SORCS2: variants seen among roughly 807,000 people sequenced by gnomAD.
SORCS2 encodes the protein VPS10 domain-containing receptor SorCS2.
SORCS2 carries 100 observed loss-of-function variants against 141.6 expected under a neutral mutation model. The observed-to-expected ratio is 0.71, with a 90% CI of 0.60 to 0.83. The LOEUF (loss-of-function observed/expected upper bound fraction) is 0.83. Ranked by LOEUF, SORCS2 falls within the 40% of genes least tolerant of loss-of-function variation. SORCS2 has a pLI of 0.00. For synonymous variants in SORCS2, 789 were observed against 676.9 expected, an observed-to-expected ratio of 1.17 and a Z score of -2.57; for missense variants, 1,646 against 1,560.2, an observed-to-expected ratio of 1.05 and a Z score of -0.93.
Position 7,568,879 on chromosome 4 carries a change from C to T in SORCS2, c.648+37250C>T, listed in dbSNP as rs140744634. Among the ~76,000 whole-genome samples, 619 of 152,294 alleles carry T rather than the reference C, an allele frequency of 4.1e-3. 1 individual carries two copies. The highest frequency in any genetic ancestry group is 0.014 in the African/African-American group (574 of 41,564). Reference sequence around the variant, plus strand: ...GTAGGGGTCAGAGATGAGCATGGCACAAGATGTAAACCATTCCTAGGCCTA... The same window carrying T: ...GTAGGGGTCAGAGATGAGCATGGCATAAGATGTAAACCATTCCTAGGCCTA... On this transcript the variant is annotated intron_variant, in intron 3 of 26. Transcript: ENST00000507866.
At chr4:7,504,692 C>A (rs1272463858) in intron 2 of SORCS2, among the ~76,000 whole-genome samples, 3 of 152,202 alleles carry the variant, frequency 2.0e-5, no homozygotes, top group Admixed American at 2.0e-4. Context: ...TATATGCTGT[C>A]GCTATCACGA....
chr4:7,482,577 A>C (rs13142141), intron 2 of SORCS2, among the ~76,000 whole-genome samples: 2 of 56,646 alleles, frequency 3.5e-5, no homozygotes, highest in African/African-American at 1.1e-4. Flanking sequence ...CTGTATCCCC[A>C]CTGCGGACAC....
chr4:7,359,884 C>G (rs562617906), intron 1 of SORCS2, among the ~76,000 whole-genome samples: 6 of 152,246 alleles, frequency 3.9e-5, no homozygotes, highest in African/African-American at 1.4e-4. Flanking sequence ...GGCCCAGGGA[C>G]AAGTGAGGAG....
chr4:7,428,276 G>A (rs541492592), intron 2 of SORCS2, among the ~76,000 whole-genome samples: 5 of 152,346 alleles, frequency 3.3e-5, no homozygotes, highest in South Asian at 2.1e-4. Context: ...ACACACAACC[G>A]CAGGGCGGCA....
chr4:7,699,004 C>A (rs370179698), intron 12 of SORCS2, among the ~76,000 whole-genome samples: 10 of 152,272 alleles, frequency 6.6e-5, no homozygotes, highest in Admixed American at 3.3e-4. Flanking sequence ...CAGTGAGATG[C>A]GTCTGAGAGA....
chr4:7,421,852 C>T (rs116646936), intron 2 of SORCS2, among the ~76,000 whole-genome samples: 5,425 of 146,600 alleles, frequency 0.037, 137 homozygotes, highest in Non-Finnish European at 0.055. Context: ...ATCCAGTGGG[C>T]TTGCAGGAGA....
At chr4:7,704,848 T>C (rs1362791865) in intron 14 of SORCS2, among the ~76,000 whole-genome samples, 1 of 152,150 alleles carries the variant, frequency 6.6e-6, no homozygotes, top group African/African-American at 2.4e-5. Context: ...AAGTGAAGGT[T>C]CCTCTGGGTG....
At chr4:7,543,478 T>A (rs1177262564) in intron 3 of SORCS2, among the ~76,000 whole-genome samples, 1 of 105,144 alleles carries the variant, frequency 9.5e-6, no homozygotes, top group African/African-American at 3.5e-5. Context: ...CACCCATCCA[T>A]TCACCCACTC....
intron 11 of SORCS2, among the ~76,000 whole-genome samples, chr4:7,696,083 T>C (rs1724689772): frequency 6.6e-6 from 1 of 152,178 alleles, no homozygotes; most frequent in South Asian, 2.1e-4. Context: ...CTCTGAGAAC[T>C]AACTTTTAAT....
intron 2 of SORCS2, among the ~76,000 whole-genome samples, chr4:7,501,059 G>C (rs774904822): frequency 3.3e-5 from 5 of 152,226 alleles, no homozygotes; most frequent in South Asian, 2.1e-4. Context: ...TCTTGGGACC[G>C]TGAGCCCTGG....
chr4:7,740,169 T>C, intron 26 of SORCS2, 31 bp from the exon 27 acceptor site: 1 of 1,589,652 alleles, frequency 6.3e-7, no homozygotes, highest in Non-Finnish European at 8.5e-7. Context: ...GGGCTTGTGC[T>C]CACGGGACCT....
chr4:7,623,175 T>G (rs1719314456), intron 3 of SORCS2, among the ~76,000 whole-genome samples: 1 of 152,038 alleles, frequency 6.6e-6, no homozygotes, highest in African/African-American at 2.4e-5. Context: ...ACCAATGCCC[T>G]GCCTTTTACA....
At chr4:7,364,897 G>A (rs1721787356) in intron 1 of SORCS2, among the ~76,000 whole-genome samples, 1 of 152,240 alleles carries the variant, frequency 6.6e-6, no homozygotes, top group Non-Finnish European at 1.5e-5. Context: ...TGTGGCTCAA[G>A]GAGCTAGCCT....
intron 2 of SORCS2, among the ~76,000 whole-genome samples, chr4:7,441,055 T>G (rs1344476783): frequency 6.6e-6 from 1 of 151,788 alleles, no homozygotes; most frequent in Non-Finnish European, 1.5e-5. Context: ...GGGAAGCAGG[T>G]GTGAGCTCAG....
intron 1 of SORCS2, among the ~76,000 whole-genome samples, chr4:7,372,559 G>A (rs559049682): frequency 6.6e-6 from 1 of 152,234 alleles, no homozygotes; most frequent in Non-Finnish European, 1.5e-5. Context: ...CCATCCACCT[G>A]GGCCTCCCAA....
chr4:7,313,779 C>T (rs1299513531), intron 1 of SORCS2, among the ~76,000 whole-genome samples: 4 of 152,198 alleles, frequency 2.6e-5, no homozygotes, highest in African/African-American at 9.7e-5. Flanking sequence ...TGTCACCCCC[C>T]TGCTCAGAAC....
chr4:7,436,659 G>A (rs1004312052), intron 2 of SORCS2, among the ~76,000 whole-genome samples: 1 of 152,212 alleles, frequency 6.6e-6, no homozygotes, highest in Non-Finnish European at 1.5e-5. Flanking sequence ...CGACATTGTC[G>A]TTTCTGGGTA....
intron 18 of SORCS2, among the ~76,000 whole-genome samples, chr4:7,723,116 C>A (rs370251795): frequency 1.3e-5 from 2 of 152,126 alleles, no homozygotes; most frequent in African/African-American, 2.4e-5. Context: ...CTCGGTGCCA[C>A]GCGGGGATGG....
chr4:7,676,803 G>GC (rs1560475522), intron 9 of SORCS2, among the ~76,000 whole-genome samples: 1 of 37,230 alleles, frequency 2.7e-5, no homozygotes, highest in African/African-American at 1.4e-4. Flanking sequence ...CTGCCTTTCT[G>GC]TCTCTCTCTC....
Sources: gnomAD v4.1 joint callset for allele counts (sites outside exome capture counted in the v4.1 genomes callset) on GRCh38, gnomAD v4.1.1 for gene constraint, MANE v1.5 for transcripts, NCBI Gene and HGNC (gene_info 2026-07-23, HGNC 2026-07-21) for gene names.